Variants in SHISA9 observed in about 807,000 individuals in gnomAD.
The protein encoded by SHISA9 is shisa family member 9, also known as protein shisa-9.
A neutral mutation model predicts 38.0 loss-of-function variants in SHISA9; 13 were observed. The ratio of observed to expected loss-of-function variants is 0.34; its 90% confidence interval spans 0.22 to 0.54. SHISA9 has a LOEUF of 0.54. SHISA9 is among the 20% of genes least tolerant of loss of function. The pLI is 0.91. For synonymous variants in SHISA9, 275 were observed against 242.0 expected, an observed-to-expected ratio of 1.14 and a Z score of -1.27; for missense variants, 538 against 575.8, an observed-to-expected ratio of 0.93 and a Z score of 0.67.
At chr16:12,923,557 C>A (rs573768640) in intron 2 of SHISA9, among the ~76,000 whole-genome samples, 1 of 151,696 alleles carries the variant, frequency 6.6e-6, no homozygotes, top group South Asian at 2.1e-4. Flanking sequence ...TTTTGGGAGA[C>A]GGTAATGAAA....
At chr16:12,993,715 G>A (rs762771853) in intron 2 of SHISA9, among the ~76,000 whole-genome samples, 2 of 152,160 alleles carry the variant, frequency 1.3e-5, no homozygotes, top group African/African-American at 2.4e-5. Context: ...ATTTCAATCT[G>A]TAGTAAACAC....
At chr16:13,505,205 C>T in the SHISA9 span, among the ~76,000 whole-genome samples, 3 of 152,182 alleles carry the variant, frequency 2.0e-5, no homozygotes, top group African/African-American at 7.2e-5. Flanking sequence ...TAGATTGCAC[C>T]TTGCTGTGCA....
At chr16:13,262,674 G>GGAAAGAAGGA in the SHISA9 span, among the ~76,000 whole-genome samples, 1 of 47,042 alleles carries the variant, frequency 2.1e-5, no homozygotes, top group African/African-American at 1.0e-4. Flanking sequence ...GGAAGGAAGG[G>GGAAAGAAGGA]AGGGAGGAAG....
the SHISA9 span, among the ~76,000 whole-genome samples, chr16:13,511,068 T>A: frequency 6.6e-6 from 1 of 152,242 alleles, no homozygotes; most frequent in Non-Finnish European, 1.5e-5. Context: ...TAGCCATGTA[T>A]CTTGGCTAAA....
chr16:12,988,887 G>C (rs532009868), intron 2 of SHISA9, among the ~76,000 whole-genome samples: 2 of 151,960 alleles, frequency 1.3e-5, no homozygotes, highest in Non-Finnish European at 2.9e-5. Flanking sequence ...AATGAAATTC[G>C]CCTGTTGTAA....
intron 2 of SHISA9, among the ~76,000 whole-genome samples, chr16:13,146,083 G>A (rs2050444906): frequency 6.6e-6 from 1 of 152,228 alleles, no homozygotes; most frequent in Admixed American, 6.5e-5. Flanking sequence ...GGCTACTTGG[G>A]AGGCTGAGGT....
At chr16:13,274,660 G>T in the SHISA9 span, among the ~76,000 whole-genome samples, 1 of 152,084 alleles carries the variant, frequency 6.6e-6, no homozygotes, top group African/African-American at 2.4e-5. Context: ...GGAAGAGAAA[G>T]CTCCTGATTA....
Position 13,181,823 on chromosome 16 carries a change from A to G in SHISA9, c.692-21571A>G, listed in dbSNP as rs143483021. Among the ~76,000 whole-genome samples, 116 of 152,276 alleles carry G rather than the reference A, an allele frequency of 7.6e-4. 1 individual carries two copies. Among genetic ancestry groups the G allele is most frequent in the African/African-American group, 2.6e-3 (109 of 41,558 alleles). On this transcript the variant is annotated intron_variant, in intron 2 of 4. Coordinates refer to ENST00000558583, the MANE Select transcript of SHISA9 (RefSeq NM_001145204.3). Reference sequence around the variant, plus strand: ...TTGAAAGGAGAATCTGAAGGTCACAACCTTTAAAATACCCTTGAGATGTGT... The same window carrying G: ...TTGAAAGGAGAATCTGAAGGTCACAGCCTTTAAAATACCCTTGAGATGTGT...
At chr16:13,396,191 T>A in the SHISA9 span, among the ~76,000 whole-genome samples, 1 of 152,054 alleles carries the variant, frequency 6.6e-6, no homozygotes, top group Non-Finnish European at 1.5e-5. Flanking sequence ...AATGGATGAG[T>A]CTCCTCTTAA....
At chr16:13,172,798 A>G (rs2050698330) in intron 2 of SHISA9, among the ~76,000 whole-genome samples, 1 of 147,604 alleles carries the variant, frequency 6.8e-6, no homozygotes, top group Non-Finnish European at 1.5e-5. Flanking sequence ...GTGGGCCACG[A>G]GAGAGGAGGC....
intron 2 of SHISA9, among the ~76,000 whole-genome samples, chr16:13,100,947 C>G (rs1172819344): frequency 6.6e-6 from 1 of 152,196 alleles, no homozygotes; most frequent in Non-Finnish European, 1.5e-5. Flanking sequence ...CTGCCCACCT[C>G]GGTCTCCCGA....
chr16:13,404,582 G>A, the SHISA9 span, among the ~76,000 whole-genome samples: 1 of 152,150 alleles, frequency 6.6e-6, no homozygotes, highest in Non-Finnish European at 1.5e-5. Flanking sequence ...GAGAATGGGA[G>A]GGAGGACATG....
At chr16:13,261,490 T>A in the SHISA9 span, among the ~76,000 whole-genome samples, 14 of 152,160 alleles carry the variant, frequency 9.2e-5, no homozygotes, top group Non-Finnish European at 1.6e-4. Context: ...CAATGCAAAC[T>A]GAGGTTCTTC....
the SHISA9 span, among the ~76,000 whole-genome samples, chr16:13,289,214 C>T: frequency 2.0e-5 from 3 of 152,138 alleles, no homozygotes; most frequent in Admixed American, 6.6e-5. Context: ...TTGTGTTGTC[C>T]TGTCTCTTGT....
chr16:13,125,777 G>A (rs1054991010), intron 2 of SHISA9, among the ~76,000 whole-genome samples: 11 of 152,196 alleles, frequency 7.2e-5, no homozygotes, highest in East Asian at 1.9e-4. Flanking sequence ...TGCTGCTGAC[G>A]GCAAAACCTA....
chr16:13,299,417 G>A, the SHISA9 span, among the ~76,000 whole-genome samples: 1 of 152,136 alleles, frequency 6.6e-6, no homozygotes, highest in Non-Finnish European at 1.5e-5. Context: ...CTGGCAGGCA[G>A]CAGAAGAGTT....
chr16:13,484,502 C>G, the SHISA9 span, among the ~76,000 whole-genome samples: 1 of 152,168 alleles, frequency 6.6e-6, no homozygotes, highest in African/African-American at 2.4e-5. Flanking sequence ...ATCTGAGTGC[C>G]TAGCATGCTT....
the SHISA9 span, among the ~76,000 whole-genome samples, chr16:13,462,831 G>A: frequency 1.3e-5 from 2 of 151,868 alleles, no homozygotes; most frequent in African/African-American, 4.8e-5. Context: ...GCGTGGTGGC[G>A]GGCGCCAGTA....
chr16:13,038,541 G>A lies in SHISA9; in HGVS notation c.691+121726G>A, dbSNP rs117896604. On this transcript the variant is annotated intron_variant, in intron 2 of 4. Coordinates refer to ENST00000558583, the MANE Select transcript of SHISA9 (RefSeq NM_001145204.3). ...TTCTGCCTCCTCAGGACTTTTGCAC[G>A]TACTGCTCCTACTGACTAGAACGCT... is the stretch of plus-strand genomic sequence containing the variant. Among the ~76,000 whole-genome samples, 268 of 152,224 alleles carry A rather than the reference G, an allele frequency of 1.8e-3. 5 individuals are homozygous for A. The East Asian group carries it at 0.047, about 27-fold the overall frequency.
Sources: allele counts gnomAD v4.1 joint callset (sites outside exome capture counted in the v4.1 genomes callset), GRCh38; gene constraint gnomAD v4.1.1; transcripts MANE v1.5; gene names NCBI Gene and HGNC (gene_info 2026-07-23, HGNC 2026-07-21).